GNB5: variants seen among roughly 807,000 people sequenced by gnomAD.
GNB5 encodes the protein guanine nucleotide-binding protein subunit beta-5.
A neutral mutation model predicts 55.3 loss-of-function variants in GNB5; 37 were observed. The ratio of observed to expected loss-of-function variants is 0.67; its 90% CI spans 0.51 to 0.88. The LOEUF (loss-of-function observed/expected upper bound fraction) is 0.88. GNB5 is among the 40% of genes least tolerant of loss of function. GNB5 has a pLI of 0.00. For synonymous variants in GNB5, 219 were observed against 198.5 expected, an observed-to-expected ratio of 1.10 and a Z score of -0.87; for missense variants, 476 against 515.3, an observed-to-expected ratio of 0.92 and a Z score of 0.74.
At chr15:52,181,631 A>AAAAACG (rs2034772470) in intron 2 of GNB5, among the ~76,000 whole-genome samples, 2 of 152,138 alleles carry the variant, frequency 1.3e-5, no homozygotes, top group Non-Finnish European at 2.9e-5. Flanking sequence ...AAACAAAAAC[A>AAAAACG]AAAACAAAAC....
At chr15:52,147,239 G>T in intron 6 of GNB5, 1 of 396,878 alleles carries the variant, frequency 2.5e-6, no homozygotes. Flanking sequence ...CTGGGCTCAA[G>T]TGATCCTCCC....
chr15:52,117,102 A>ATATATATATATATAT lies in GNB5; in HGVS notation c.*5654_*5655insATATATATATATATA. The ATATATATATATATAT allele has an allele frequency of 1.1e-5, 1 of 87,102 alleles. No homozygotes were observed. The highest frequency in any genetic ancestry group is 3.8e-4 in the South Asian group (1 of 2,626). The allele number at this position is 87,102 out of a possible 1,614,324, so 5.4% of individuals were successfully genotyped here. ...CCACGCCCAGCTAATATATATATAT[A>ATATATATATATATAT]TTTTTTTTTAGTACAGACAGGGTTT... On this transcript the variant is annotated 3_prime_UTR_variant, in exon 13 of 13. Coordinates refer to ENST00000261837, the MANE Select transcript of GNB5 (RefSeq NM_016194.4).
intron 3 of GNB5, 51 bp from the exon 4 acceptor site, chr15:52,154,127 G>A (rs779000929): frequency 1.3e-6 from 2 of 1,579,788 alleles, no homozygotes; most frequent in Non-Finnish European, 8.6e-7. Flanking sequence ...CAGGTTCTGG[G>A]CTTTGGGCTG....
chr15:52,166,152 T>C (rs1045045409), intron 3 of GNB5, among the ~76,000 whole-genome samples: 2 of 152,204 alleles, frequency 1.3e-5, no homozygotes. Context: ...CTATTCTAAA[T>C]ATATATGCAC....
intron 7 of GNB5, among the ~76,000 whole-genome samples, chr15:52,136,383 T>C (rs1222744401): frequency 6.6e-6 from 1 of 152,164 alleles, no homozygotes; most frequent in East Asian, 1.9e-4. Context: ...ACTGAGTGTT[T>C]AAAACCTTCG....
intron 2 of GNB5, chr15:52,181,218 C>T (rs1213025949): frequency 1.3e-5 from 2 of 152,212 alleles, no homozygotes; most frequent in Non-Finnish European, 2.9e-5. Flanking sequence ...CGATGTTAAT[C>T]TGTACATAGT....
chr15:52,134,598 G>A (rs564769518), intron 8 of GNB5, among the ~76,000 whole-genome samples: 9 of 152,342 alleles, frequency 5.9e-5, no homozygotes, highest in African/African-American at 9.6e-5. Flanking sequence ...CCAAGGCACA[G>A]GGTTGAAACA....
chr15:52,137,084 C>T, intron 7 of GNB5: 2 of 525,358 alleles, frequency 3.8e-6, no homozygotes, highest in Non-Finnish European at 6.5e-6. Flanking sequence ...AATCACCAAG[C>T]CTGGACCCTG....
chr15:52,169,274 C>G (rs759900654), intron 3 of GNB5, among the ~76,000 whole-genome samples: 18 of 152,012 alleles, frequency 1.2e-4, no homozygotes, highest in South Asian at 2.1e-4. Flanking sequence ...GAGCCGAGAT[C>G]GCACCACTGC....
intron 8 of GNB5, among the ~76,000 whole-genome samples, chr15:52,134,884 T>C (rs3794540): frequency 0.13 from 19,982 of 151,870 alleles, 1,630 homozygotes; most frequent in Admixed American, 0.25. Context: ...GCCCCTCCCA[T>C]TTGCATACAC....
chr15:52,162,106 T>G (rs1439590817), intron 3 of GNB5, among the ~76,000 whole-genome samples: 1 of 152,050 alleles, frequency 6.6e-6, no homozygotes, highest in African/African-American at 2.4e-5. Flanking sequence ...TCAAGCCCCC[T>G]TGCTTCTCAG....
rs551162077 is a variant in GNB5 at position 52,122,581 on chromosome 15, A to G, written c.*176T>C. On this transcript the variant is annotated 3_prime_UTR_variant, in exon 13 of 13. Coordinates refer to ENST00000261837, the MANE Select transcript of GNB5 (RefSeq NM_016194.4). Reference sequence around the variant, plus strand: ...CAGTGCTGAAGGCTCACACTAGTGTATTTCCAGAGGTGACAGTTTTAATAG... The same window carrying G: ...CAGTGCTGAAGGCTCACACTAGTGTGTTTCCAGAGGTGACAGTTTTAATAG... 3.2e-6 allele frequency: 2 copies of G among 623,858 alleles called. No homozygotes were observed. The highest frequency in any genetic ancestry group is 3.9e-5 in the South Asian group (2 of 51,204). 38.6% of individuals were successfully genotyped at this position (623,858 alleles called of 1,614,324 possible).
At chr15:52,146,736 ATTTTTTT>A (rs60737688) in intron 6 of GNB5, among the ~76,000 whole-genome samples, 7 of 110,918 alleles carry the variant, frequency 6.3e-5, no homozygotes, top group Admixed American at 9.7e-5. Flanking sequence ...AGCTAATTAG[ATTTTTTT>A]TTTTTTTTTT....
Position 52,122,517 on chromosome 15 carries a change from T to C in GNB5, c.*240A>G. 1.0e-5 allele frequency: 5 copies of C among 480,030 alleles called. No individual in the cohort carries two copies. Among genetic ancestry groups the C allele is most frequent in the South Asian group, 4.4e-5 (1 of 22,890 alleles). 29.7% of individuals were successfully genotyped at this position (480,030 alleles called of 1,614,324 possible). A position where few individuals can be genotyped will look rare whatever the true frequency, so the allele number is the denominator to read the frequency against. On this transcript the variant is annotated 3_prime_UTR_variant, in exon 13 of 13. Transcript: ENST00000261837. ...TTAAAAACAGATACATTTTAAAAAG[T>C]GTTCCAAAAGAAAAATACTGTACTT... is the stretch of plus-strand genomic sequence containing the variant.
At position 52,164,085 on chromosome 15, in the gene GNB5, C is replaced by T. The variant is rs144029981; in HGVS notation, c.239-10009G>A. The stretch of plus-strand genomic sequence containing the variant: ...TTGGGAGGCCGAGGCAAGAGGATCA[C>T]GAGGTCAGGAGTTCAAGACCAGCCT... On this transcript the variant is annotated intron_variant, in intron 3 of 12. Transcript: ENST00000261837. Among the ~76,000 whole-genome samples, 496 of 152,030 alleles carry T rather than the reference C, an allele frequency of 3.3e-3. 1 individual carries two copies. Among genetic ancestry groups the T allele is most frequent in the African/African-American group, 0.011 (450 of 41,454 alleles).
intron 7 of GNB5, chr15:52,139,742 C>T (rs994740514): frequency 7.0e-6 from 8 of 1,144,852 alleles, no homozygotes; most frequent in Non-Finnish European, 8.9e-6. Flanking sequence ...GCGTCCCCGC[C>T]GAGGTAGCCA....
intron 3 of GNB5, among the ~76,000 whole-genome samples, chr15:52,157,187 C>T (rs1228763102): frequency 5.3e-5 from 8 of 151,538 alleles, no homozygotes; most frequent in Non-Finnish European, 4.4e-5. Context: ...CCGCCAGCCT[C>T]GGCCTCCCAA....
chr15:52,175,349 C>A (rs8038456), intron 3 of GNB5, among the ~76,000 whole-genome samples: 2 of 152,042 alleles, frequency 1.3e-5, no homozygotes, highest in Non-Finnish European at 2.9e-5. Flanking sequence ...GGAAACCATC[C>A]TTGGATTCCA....
At chr15:52,147,379 C>CTTGT (rs570607323) in intron 6 of GNB5, 80 bp downstream of exon 6, 1 of 836,866 alleles carries the variant, frequency 1.2e-6, no homozygotes, top group South Asian at 1.3e-5. Flanking sequence ...ACTGTGAGTT[C>CTTGT]TTGTTTGTTT....
Sources: allele counts gnomAD v4.1 joint callset (sites outside exome capture counted in the v4.1 genomes callset), GRCh38; gene constraint gnomAD v4.1.1; transcripts MANE v1.5; gene names NCBI Gene and HGNC (gene_info 2026-07-23, HGNC 2026-07-21).